OSBPL10: variants seen among roughly 807,000 people sequenced by gnomAD.
OSBPL10 encodes the protein oxysterol binding protein like 10, also known as oxysterol-binding protein-related protein 10.
A neutral mutation model predicts 81.7 loss-of-function variants in OSBPL10; 49 were observed. The ratio of observed to expected loss-of-function variants is 0.60; its 90% CI spans 0.48 to 0.76. The LOEUF (loss-of-function observed/expected upper bound fraction) is 0.76, where lower values mean the gene tolerates loss of function less well. OSBPL10 is among the 30% of genes least tolerant of loss of function. OSBPL10 has a pLI of 0.00. For missense variants in OSBPL10, 923 were observed against 987.8 expected, an observed-to-expected ratio of 0.93 and a Z score of 0.88; for synonymous variants, 419 against 383.6, an observed-to-expected ratio of 1.09 and a Z score of -1.08.
chr3:32,059,716 G>A lies in OSBPL10; in HGVS notation n.186-13113C>T, dbSNP rs372179631. ...GAGGATTTCTTGAGCCCAGGAGTTCGAGACCAGCCTGGGCAACACAGTGAG... is the reference window on the plus strand; with the variant it reads ...GAGGATTTCTTGAGCCCAGGAGTTCAAGACCAGCCTGGGCAACACAGTGAG... On this transcript the variant is annotated intron_variant and non_coding_transcript_variant, in intron 1 of 3. Coordinates refer to the OSBPL10 transcript ENST00000479173. 1.2e-4 allele frequency among the ~76,000 whole-genome samples: 18 copies of A among 151,910 alleles called. 1 individual carries two copies. The East Asian group carries it at 2.7e-3, about 23-fold the overall frequency.
intron 1 of OSBPL10, among the ~76,000 whole-genome samples, chr3:31,895,174 C>T (rs1559508753): frequency 6.8e-6 from 1 of 147,900 alleles, no homozygotes; most frequent in Non-Finnish European, 1.5e-5. Context: ...CACTCTGTCG[C>T]CCAGGCTGGA....
rs761489243 is a variant in OSBPL10, at chr3:31,748,081, G to T, written c.769C>A (p.His257Asn). Reference protein sequence around the residue: ...QVEGQQKNLVHAIESLPGSGP... With the variant: ...QVEGQQKNLVNAIESLPGSGP... The stretch of plus-strand genomic sequence containing the variant: ...GACCCTGGCAGGGACTCAATGGCGT[G>T]CACAAGGTTCTTCTGCTGCCCTTCC... Residue 257 changes from histidine (H) to asparagine (N), a missense_variant, in exon 5 of 12, where the codon CAC (histidine) becomes AAC (asparagine). His to Asn is a moderately conservative substitution (Grantham distance 68, BLOSUM62 1). Around this residue, in one of 3 missense-constraint regions of OSBPL10, gnomAD observed 514 missense variants for 508.0 expected, o/e 1.01. Transcript: ENST00000396556. 12 of 1,614,086 alleles carry T rather than the reference G, an allele frequency of 7.4e-6. No homozygotes were observed. The South Asian group carries it at 1.3e-4, about 18-fold the overall frequency.
chr3:31,676,552 T>C lies in OSBPL10; in HGVS notation c.1727-5569A>G, dbSNP rs140710769. ...AAAATAATTTTGTGTCCAATCTCAA[T>C]CTGAGGAACCAAAATATTCAGCTGG... On this transcript the variant is annotated intron_variant, in intron 8 of 11. Transcript: ENST00000396556. 7.4e-3 allele frequency among the ~76,000 whole-genome samples: 1,128 copies of C among 152,316 alleles called. 18 individuals are homozygous for C. Among genetic ancestry groups the C allele is most frequent in the African/African-American group, 0.026 (1,071 of 41,562 alleles).
chr3:31,748,258 A>G, intron 4 of OSBPL10, 138 bp from the exon 5 acceptor site: 1 of 753,118 alleles, frequency 1.3e-6, no homozygotes, highest in Non-Finnish European at 2.2e-6. Context: ...TCGTCTTTTG[A>G]TAAATACTCA....
rs560608298 is a variant in OSBPL10 at position 31,941,254 on chromosome 3, C to T, written c.281+39645G>A. The stretch of plus-strand genomic sequence containing the variant: ...GACTGTATTATATCAAGATCCGGTG[C>T]AAACAAAAAAGAAAAGCAAGACAAA... On this transcript the variant is annotated intron_variant, in intron 1 of 11. Transcript: ENST00000396556. 4.6e-5 allele frequency among the ~76,000 whole-genome samples: 7 copies of T among 151,922 alleles called. No individual in the cohort carries two copies. In the South Asian group the frequency reaches 8.3e-4, roughly 18 times the overall value.
intron 2 of OSBPL10, among the ~76,000 whole-genome samples, chr3:32,011,849 G>A (rs1699263013): frequency 6.6e-6 from 1 of 152,032 alleles, no homozygotes; most frequent in African/African-American, 2.4e-5. Flanking sequence ...TATCAGTGAT[G>A]GAAGATCAAA....
At chr3:31,845,540 A>T (rs1330825227) in intron 3 of OSBPL10, among the ~76,000 whole-genome samples, 2 of 152,260 alleles carry the variant, frequency 1.3e-5, no homozygotes, top group African/African-American at 4.8e-5. Context: ...GAAAAAAGTT[A>T]AACTAATGAA....
intron 4 of OSBPL10, among the ~76,000 whole-genome samples, chr3:31,812,739 AAAGAAAGAAAG>A (rs1559476137): frequency 1.4e-4 from 3 of 20,996 alleles, no homozygotes; most frequent in African/African-American, 4.5e-4. Flanking sequence ...AGAAAGAAAG[AAAGAAAGAAAG>A]AAAGAAAGAA....
chr3:31,765,651 C>A (rs1698173504), intron 4 of OSBPL10, among the ~76,000 whole-genome samples: 1 of 152,280 alleles, frequency 6.6e-6, no homozygotes, highest in South Asian at 2.1e-4. Flanking sequence ...ACAATGTATA[C>A]ACCCAATCTA....
intron 1 of OSBPL10, among the ~76,000 whole-genome samples, chr3:32,055,694 A>G (rs1476458297): frequency 6.6e-6 from 1 of 152,204 alleles, no homozygotes; most frequent in Non-Finnish European, 1.5e-5. Context: ...TTTGACTGGA[A>G]TCGCCTGCTT....
intron 1 of OSBPL10, among the ~76,000 whole-genome samples, chr3:31,948,232 G>T (rs1467430910): frequency 2.6e-5 from 4 of 152,300 alleles, no homozygotes; most frequent in Admixed American, 2.0e-4. Flanking sequence ...GTCCATTCTA[G>T]AAGTCCAGCA....
chr3:31,675,657 A>T (rs929813657), intron 8 of OSBPL10, among the ~76,000 whole-genome samples: 1 of 152,184 alleles, frequency 6.6e-6, no homozygotes, highest in Non-Finnish European at 1.5e-5. Context: ...TAAAGAGGAA[A>T]CTGCAGGGCC....
intron 1 of OSBPL10, among the ~76,000 whole-genome samples, chr3:31,902,285 C>G: frequency 8.2e-6 from 1 of 122,432 alleles, no homozygotes; most frequent in Non-Finnish European, 1.7e-5. Flanking sequence ...TTTTTGGAGA[C>G]GGAGTCCCAC....
At chr3:31,993,832 A>T (rs1014222276) in intron 2 of OSBPL10, among the ~76,000 whole-genome samples, 6 of 152,190 alleles carry the variant, frequency 3.9e-5, no homozygotes, top group African/African-American at 4.8e-5. Context: ...AAAGTTAAAC[A>T]TACAATATGA....
rs369947034 is a variant in OSBPL10 at position 32,038,573 on chromosome 3, C to T, written n.298+7918G>A. On this transcript the variant is annotated intron_variant and non_coding_transcript_variant, in intron 2 of 3. Transcript: ENST00000479173. The stretch of plus-strand genomic sequence containing the variant: ...CTGGCCTCAAGTGATCCATCCACCT[C>T]GGTCTCCCAAAGTGCTGGGATTACA... Among the ~76,000 whole-genome samples, 9 of 152,302 alleles carry T rather than the reference C, an allele frequency of 5.9e-5. 1 individual carries two copies. The highest frequency in any genetic ancestry group is 2.2e-4 in the African/African-American group (9 of 41,576).
intron 2 of OSBPL10, among the ~76,000 whole-genome samples, chr3:32,037,331 G>A (rs749521980): frequency 3.3e-5 from 5 of 152,114 alleles, no homozygotes; most frequent in African/African-American, 4.8e-5. Flanking sequence ...AATGAAAACA[G>A]GAAAAAAGTT....
intron 1 of OSBPL10, among the ~76,000 whole-genome samples, chr3:31,913,946 G>A (rs1050906502): frequency 1.3e-4 from 20 of 152,036 alleles, no homozygotes; most frequent in African/African-American, 3.9e-4. Flanking sequence ...TTTTTGAGAC[G>A]GAGTCTTGCT....
At position 31,928,762 on chromosome 3, in the gene OSBPL10, C is replaced by CAAAAA. The variant is rs58345341; in HGVS notation, c.282-48937_282-48933dup. 4.7e-4 allele frequency among the ~76,000 whole-genome samples: 45 copies of CAAAAA among 95,088 alleles called. 1 individual carries two copies. The highest frequency in any genetic ancestry group is 1.3e-3 in the African/African-American group (39 of 30,868). The allele number at this position is 95,088 out of a possible 152,430, so 62.4% of individuals were successfully genotyped here. On this transcript the variant is annotated intron_variant, in intron 1 of 11. Coordinates refer to ENST00000396556, the MANE Select transcript of OSBPL10 (RefSeq NM_017784.5). The stretch of plus-strand genomic sequence containing the variant: ...TCTGGGCGACAGTGAGACTTGTCTC[C>CAAAAA]AAAAAAAAAAAAAAAAAAAGAATGC...
intron 2 of OSBPL10, among the ~76,000 whole-genome samples, chr3:32,040,994 A>C (rs996769267): frequency 1.3e-5 from 2 of 152,204 alleles, no homozygotes; most frequent in Admixed American, 1.3e-4. Flanking sequence ...GACCTCAAGA[A>C]GCTCTGCAGT....
Sources: allele counts gnomAD v4.1 joint callset (sites outside exome capture counted in the v4.1 genomes callset), GRCh38; gene constraint gnomAD v4.1.1; regional missense constraint gnomAD v4.1.1; transcripts MANE v1.5; gene names NCBI Gene and HGNC (gene_info 2026-07-23, HGNC 2026-07-21).